Variants in TMEM260 observed in about 807,000 individuals in gnomAD.
The protein encoded by TMEM260 is transmembrane protein 260, also known as protein O-mannosyl-transferase TMEM260.
In TMEM260, 82 loss-of-function variants were observed where a neutral mutation model predicts 88.9. The ratio of observed to expected loss-of-function variants is 0.92; its 90% confidence interval spans 0.77 to 1.11. The LOEUF is 1.11. TMEM260 is among the 50% of genes least tolerant of loss of function. The probability of loss-of-function intolerance (pLI) is 0.00; values close to 1 mark genes in which losing one functional copy is unlikely to be tolerated. For missense variants in TMEM260, 902 were observed against 853.4 expected, an observed-to-expected ratio of 1.06 and a Z score of -0.71; for synonymous variants, 314 against 309.3, an observed-to-expected ratio of 1.02 and a Z score of -0.16.
chr14:56,655,033 G>A (rs540121748), downstream of TMEM260, among the ~76,000 whole-genome samples: 5 of 152,126 alleles, frequency 3.3e-5, no homozygotes, highest in East Asian at 9.7e-4. Flanking sequence ...TAACAATCTT[G>A]GTGACATTTG....
rs1299775996 is a variant in TMEM260, at chr14:56,649,111, A to G, written c.*1614A>G. 1 of 152,648 alleles carries G rather than the reference A, an allele frequency of 6.6e-6. No individual in the cohort carries two copies. Among genetic ancestry groups the G allele is most frequent in the African/African-American group, 2.4e-5 (1 of 41,468 alleles). 9.5% of individuals were successfully genotyped at this position (152,648 alleles called of 1,614,324 possible). A position where few individuals can be genotyped will look rare whatever the true frequency, so the allele number is the denominator to read the frequency against. Reference sequence around the variant, plus strand: ...GAGCGGAACCTTTTGAAGAGTGTCAATAGTTGTAACAGTTCAGCTGTTAGG... The same window carrying G: ...GAGCGGAACCTTTTGAAGAGTGTCAGTAGTTGTAACAGTTCAGCTGTTAGG... On this transcript the variant is annotated 3_prime_UTR_variant, in exon 16 of 16. Coordinates refer to ENST00000261556, the MANE Select transcript of TMEM260 (RefSeq NM_017799.4).
At chr14:56,644,583 T>C (rs965111093) in intron 15 of TMEM260, among the ~76,000 whole-genome samples, 6 of 152,162 alleles carry the variant, frequency 3.9e-5, no homozygotes, top group Non-Finnish European at 7.3e-5. Context: ...ATTCAGGACA[T>C]AGGCATGGGC....
rs754257543 is a variant in TMEM260, at chr14:56,621,540, C to T, written c.1236C>T (p.Asp412=). The T allele has an allele frequency of 5.6e-6, 9 of 1,601,870 alleles. No homozygotes were observed. In the Admixed American group the frequency reaches 8.6e-5, roughly 15 times the overall value. Residue 412 remains aspartate, a synonymous_variant, in exon 11 of 16, where the codon GAC becomes GAT. Coordinates refer to ENST00000261556, the MANE Select transcript of TMEM260 (RefSeq NM_017799.4). ...GGATCCTTTTATTTAGTGTTTGTGACCAAAGGACCAACTATGTGATTGATA... is the reference window on the plus strand; with the variant it reads ...GGATCCTTTTATTTAGTGTTTGTGATCAAAGGACCAACTATGTGATTGATA... ...YQIYSNYSVC[D]QRTNYVIDKF...
chr14:56,634,235 G>T (rs1417065220), intron 13 of TMEM260, among the ~76,000 whole-genome samples: 3 of 152,170 alleles, frequency 2.0e-5, no homozygotes. Context: ...TTGTTTCACA[G>T]CTCTTTGGCT....
intron 7 of TMEM260, chr14:56,612,568 T>C: frequency 2.5e-6 from 1 of 396,684 alleles, no homozygotes; most frequent in Non-Finnish European, 4.5e-6. Flanking sequence ...TGTATACTTT[T>C]AATCATCTCT....
chr14:56,619,801 G>A (rs1447430396), intron 10 of TMEM260, among the ~76,000 whole-genome samples: 1 of 152,108 alleles, frequency 6.6e-6, no homozygotes, highest in Non-Finnish European at 1.5e-5. Context: ...ATACCTAAAG[G>A]AATATAAATC....
chr14:56,598,331 G>A (rs1886371502), intron 3 of TMEM260, among the ~76,000 whole-genome samples: 1 of 152,090 alleles, frequency 6.6e-6, no homozygotes, highest in South Asian at 2.1e-4. Context: ...TGTGTCAAGG[G>A]GAGTGGTCAT....
At chr14:56,639,949 A>T (rs1037230882) in intron 15 of TMEM260, among the ~76,000 whole-genome samples, 3 of 152,176 alleles carry the variant, frequency 2.0e-5, no homozygotes, top group African/African-American at 7.2e-5. Flanking sequence ...GGTGCCCGCC[A>T]TTGCTGAGGC....
chr14:56,646,594 A>G (rs1474925176), intron 15 of TMEM260, among the ~76,000 whole-genome samples: 1 of 152,204 alleles, frequency 6.6e-6, no homozygotes, highest in Non-Finnish European at 1.5e-5. Flanking sequence ...TGAAATTCTA[A>G]ATTCCTATGG....
In TMEM260 at chr14:56,609,089, A is replaced by G. The variant is rs369258711; in HGVS notation, c.637-17A>G. 4.1e-5 allele frequency: 66 copies of G among 1,612,746 alleles called. No individual in the cohort carries two copies. The highest frequency in any genetic ancestry group is 2.0e-4 in the Admixed American group (12 of 59,918). ...TAAAATAAACATTGTTATACCACCC[A>G]ATGTGCTCTGATGCAGGAACTCTCC... On this transcript the variant is annotated splice_polypyrimidine_tract_variant and intron_variant, in intron 5 of 15. Transcript: ENST00000261556.
chr14:56,633,279 T>C, intron 13 of TMEM260, 108 bp downstream of exon 13: 1 of 836,470 alleles, frequency 1.2e-6, no homozygotes, highest in Non-Finnish European at 1.8e-6. Context: ...TATTAATTGT[T>C]AATATTGTTA....
At position 56,647,834 on chromosome 14, in the gene TMEM260, C is replaced by G. The variant is rs751580774; in HGVS notation, c.*337C>G. 4.1e-6 allele frequency: 1 copy of G among 242,750 alleles called. No homozygotes were observed. The highest frequency in any genetic ancestry group is 6.0e-5 in the South Asian group (1 of 16,772). 15.0% of individuals were successfully genotyped at this position (242,750 alleles called of 1,614,324 possible). A position where few individuals can be genotyped will look rare whatever the true frequency, so the allele number is the denominator to read the frequency against. ...CATATAACTAAATATTGGTCATGAACTGTGTAAGGGCCATGCTTATTGGGA... is the reference window on the plus strand; with the variant it reads ...CATATAACTAAATATTGGTCATGAAGTGTGTAAGGGCCATGCTTATTGGGA... On this transcript the variant is annotated 3_prime_UTR_variant, in exon 16 of 16. Transcript: ENST00000261556.
At chr14:56,652,094 A>C (rs899430600), downstream of TMEM260, among the ~76,000 whole-genome samples, 2 of 152,216 alleles carry the variant, frequency 1.3e-5, 1 homozygote, top group Non-Finnish European at 2.9e-5. Flanking sequence ...TGTGATTAAA[A>C]CTGAAAGGGG....
chr14:56,599,020 C>T (rs1255167853), intron 3 of TMEM260, among the ~76,000 whole-genome samples: 1 of 152,128 alleles, frequency 6.6e-6, no homozygotes, highest in African/African-American at 2.4e-5. Context: ...TTTGATGTTC[C>T]CTTCCCCAAC....
At chr14:56,597,449 A>AGCTTG in intron 3 of TMEM260, among the ~76,000 whole-genome samples, 1 of 152,228 alleles carries the variant, frequency 6.6e-6, no homozygotes, top group East Asian at 1.9e-4. Context: ...GTGGAGAAAC[A>AGCTTG]GCTTTTAAGT....
intron 12 of TMEM260, among the ~76,000 whole-genome samples, chr14:56,629,294 G>T (rs1484542863): frequency 1.4e-5 from 2 of 144,606 alleles, no homozygotes; most frequent in Admixed American, 6.8e-5. Flanking sequence ...TTTGAAGCTG[G>T]TTGCTGTTGA....
downstream of TMEM260, chr14:56,649,924 T>G (rs538398111): frequency 1.2e-3 from 394 of 330,176 alleles, 4 homozygotes; most frequent in Admixed American, 3.3e-3. Context: ...TAAAAACCAC[T>G]GGTAAATGAA....
rs1890146771 is a variant in TMEM260, at chr14:56,649,444, T to C, written c.*1947T>C. ...TCTAAGTTTATCCATTTGAAAGAAA[T>C]TGTGTAAGATTATGATATTCTCTTT... On this transcript the variant is annotated 3_prime_UTR_variant, in exon 16 of 16. Coordinates refer to ENST00000261556, the MANE Select transcript of TMEM260 (RefSeq NM_017799.4). 6.6e-6 allele frequency: 1 copy of C among 152,126 alleles called. No individual in the cohort carries two copies. The highest frequency in any genetic ancestry group is 6.5e-5 in the Admixed American group (1 of 15,268). 9.4% of individuals were successfully genotyped at this position (152,126 alleles called of 1,614,324 possible). A position where few individuals can be genotyped will look rare whatever the true frequency, so the allele number is the denominator to read the frequency against.
In TMEM260 at chr14:56,581,213, A is replaced by G. The variant is rs151248213; in HGVS notation, c.160+1139A>G. 3.6e-3 allele frequency among the ~76,000 whole-genome samples: 544 copies of G among 152,336 alleles called. 5 individuals carry two copies. The highest frequency in any genetic ancestry group is 0.013 in the African/African-American group (528 of 41,582). On this transcript the variant is annotated intron_variant, in intron 1 of 15. Transcript: ENST00000261556. ...AAGTGATATACCACTTCTGCATTTT[A>G]TTCCTGGAACTTCGTCAGTAAACCC...
Sources: gnomAD v4.1 joint callset for allele counts (sites outside exome capture counted in the v4.1 genomes callset) on GRCh38, gnomAD v4.1.1 for gene constraint, MANE v1.5 for transcripts, NCBI Gene and HGNC (gene_info 2026-07-23, HGNC 2026-07-21) for gene names.